The following NDRG3 variants were observed in gnomAD, a reference collection of about 807,000 sequenced individuals.
NDRG3 encodes the protein NDRG family member 3, also known as protein NDRG3.
Under a neutral mutation model 57.2 loss-of-function variants are expected in NDRG3, and 23 were observed. The ratio of observed to expected loss-of-function variants is 0.40; its 90% CI spans 0.29 to 0.57. The LOEUF (loss-of-function observed/expected upper bound fraction) is 0.57. Ranked by LOEUF, NDRG3 falls within the 20% of genes least tolerant of loss-of-function variation. The pLI, the probability that NDRG3 is intolerant of heterozygous loss-of-function variation, is 0.42. For missense variants in NDRG3, 384 were observed against 457.3 expected (o/e 0.84, Z 1.46); for synonymous variants, 132 against 162.6 (o/e 0.81, Z 1.43).
At chr20:36,741,275 C>T (rs984111593) in intron 1 of NDRG3, among the ~76,000 whole-genome samples, 1 of 152,124 alleles carries the variant, frequency 6.6e-6, no homozygotes, top group African/African-American at 2.4e-5. Context: ...AGGAAGCTTA[C>T]GTGATACCAA....
Position 36,746,079 on chromosome 20 carries a change from A to AGCAGCGGCGGCGGCGGCGGCG in NDRG3, c.-84_-83insCGCCGCCGCCGCCGCCGCTGC. On this transcript the variant is annotated 5_prime_UTR_variant, in exon 1 of 16. Transcript: ENST00000349004. ...GGGCACCCGCCGTCAGTGCAGCAGCAGCGGCGGCGGCGGCGGCGGCGGCGG... is the reference window on the plus strand; with the variant it reads ...GGGCACCCGCCGTCAGTGCAGCAGCAGCAGCGGCGGCGGCGGCGGCGGCGGCGGCGGCGGCGGCGGCGGCGG... The AGCAGCGGCGGCGGCGGCGGCG allele has an allele frequency of 4.1e-6, 1 of 244,590 alleles. No homozygotes were observed. Among genetic ancestry groups the AGCAGCGGCGGCGGCGGCGGCG allele is most frequent in the Non-Finnish European group, 7.4e-6 (1 of 135,502 alleles). 15.2% of individuals were successfully genotyped at this position (244,590 alleles called of 1,614,324 possible). A position where few individuals can be genotyped will look rare whatever the true frequency, so the allele number is the denominator to read the frequency against.
intron 1 of NDRG3, among the ~76,000 whole-genome samples, chr20:36,741,292 C>G (rs532327742): frequency 6.6e-6 from 1 of 152,124 alleles, no homozygotes; most frequent in Non-Finnish European, 1.5e-5. Context: ...CCAAGTAAAG[C>G]TGCTATCTGC....
chr20:36,696,540 C>A (rs946675236), intron 3 of NDRG3, among the ~76,000 whole-genome samples: 3 of 151,654 alleles, frequency 2.0e-5, no homozygotes, highest in Admixed American at 6.6e-5. Flanking sequence ...TGTCACCAGG[C>A]TGGAGTGCAG....
intron 8 of NDRG3, among the ~76,000 whole-genome samples, chr20:36,677,228 C>T (rs1029661524): frequency 2.6e-5 from 4 of 152,284 alleles, no homozygotes; most frequent in South Asian, 4.1e-4. Flanking sequence ...CACCCTTGGG[C>T]GCCCCAGGAA....
chr20:36,733,171 AAT>A (rs1555807708), intron 1 of NDRG3, among the ~76,000 whole-genome samples: 268 of 33,202 alleles, frequency 8.1e-3, no homozygotes, highest in East Asian at 0.045. Context: ...AAAAAAAAAA[AAT>A]ATATATATAT....
chr20:36,723,019 CAT>C (rs1216922178), intron 1 of NDRG3, among the ~76,000 whole-genome samples: 1 of 152,158 alleles, frequency 6.6e-6, no homozygotes, highest in Non-Finnish European at 1.5e-5. Context: ...ACCTGCTAGC[CAT>C]GTGTGTGAGT....
chr20:36,679,134 T>C (rs145146718), intron 8 of NDRG3, among the ~76,000 whole-genome samples: 380 of 152,274 alleles, frequency 2.5e-3, no homozygotes, highest in African/African-American at 8.8e-3. Context: ...AATTTTCGTA[T>C]TTTTAGTAGA....
At chr20:36,689,819 C>T (rs1317797256) in intron 3 of NDRG3, among the ~76,000 whole-genome samples, 1 of 150,338 alleles carries the variant, frequency 6.7e-6, no homozygotes, top group Non-Finnish European at 1.5e-5. Flanking sequence ...CTCCTGGGTT[C>T]ACGCCATTCT....
At chr20:36,658,954 G>GTTTT (rs58306169) in intron 13 of NDRG3, among the ~76,000 whole-genome samples, 1 of 132,374 alleles carries the variant, frequency 7.6e-6, no homozygotes, top group Non-Finnish European at 1.7e-5. Context: ...TGTTGACGAA[G>GTTTT]TTTTTTTTTT....
chr20:36,658,445 T>C (rs1978871043), intron 13 of NDRG3, among the ~76,000 whole-genome samples: 1 of 152,174 alleles, frequency 6.6e-6, no homozygotes, highest in African/African-American at 2.4e-5. Context: ...AGCCCATCAA[T>C]TGCCTGGAGG....
intron 8 of NDRG3, 96 bp from the exon 9 acceptor site, chr20:36,671,493 T>C: frequency 1.1e-6 from 1 of 914,116 alleles, no homozygotes; most frequent in Non-Finnish European, 1.7e-6. Flanking sequence ...ATATATGTTA[T>C]CTCTTTAAAA....
In NDRG3 at chr20:36,653,614, C is replaced by G; in HGVS notation, c.1034G>C (p.Arg345Pro). ...ATCTGACTGATTGCTGGTGACAGACCGGCTGAAGGGACTTTCTCCAGAGCC... is the reference window on the plus strand; with the variant it reads ...ATCTGACTGATTGCTGGTGACAGACGGGCTGAAGGGACTTTCTCCAGAGCC... ...SLGSGESPFS[R>P]SVTSNQSDGT... The change falls in exon 16 of 16, where the codon CGG (arginine) becomes CCG (proline). Residue 345 changes from arginine to proline, a missense_variant. Physicochemically the swap from Arg to Pro is moderately radical, Grantham distance 103 (BLOSUM62 -2). Coordinates refer to ENST00000349004, the MANE Select transcript of NDRG3 (RefSeq NM_032013.4). The surrounding 1 kb of genome is among the most constrained non-coding windows in gnomAD (Gnocchi z 4.2). 1 of 1,614,072 alleles carries G rather than the reference C, an allele frequency of 6.2e-7. No homozygotes were observed. The highest frequency in any genetic ancestry group is 8.5e-7 in the Non-Finnish European group (1 of 1,180,026).
intron 9 of NDRG3, among the ~76,000 whole-genome samples, chr20:36,667,302 C>G (rs80207858): frequency 6.6e-6 from 1 of 151,842 alleles, no homozygotes; most frequent in Non-Finnish European, 1.5e-5. Flanking sequence ...GGACTCACTA[C>G]GCTGCTCAGG....
intron 9 of NDRG3, among the ~76,000 whole-genome samples, chr20:36,670,981 A>G (rs1980100946): frequency 6.6e-6 from 1 of 152,338 alleles, no homozygotes; most frequent in South Asian, 2.1e-4. Flanking sequence ...TTCTTTTAGC[A>G]CTATTATTTC....
chr20:36,713,826 T>C (rs753134749), intron 2 of NDRG3, among the ~76,000 whole-genome samples: 12 of 152,188 alleles, frequency 7.9e-5, no homozygotes, highest in Admixed American at 2.0e-4. Context: ...TTACACGTAA[T>C]TGACATGCTA....
chr20:36,715,626 T>TG, intron 2 of NDRG3, among the ~76,000 whole-genome samples: 1 of 145,980 alleles, frequency 6.9e-6, no homozygotes, highest in South Asian at 2.2e-4. Flanking sequence ...GAGATCAGCG[T>TG]GGGCAACAAA....
intron 3 of NDRG3, among the ~76,000 whole-genome samples, chr20:36,699,861 T>C (rs1039936617): frequency 6.6e-6 from 1 of 151,798 alleles, no homozygotes; most frequent in Admixed American, 6.6e-5. Context: ...TGGCTCACAT[T>C]TGTAAAATCC....
intron 12 of NDRG3, among the ~76,000 whole-genome samples, chr20:36,660,590 T>A (rs1288388238): frequency 6.6e-6 from 1 of 151,066 alleles, no homozygotes. Flanking sequence ...AGACGGAGTC[T>A]CGCTCTGTCG....
At chr20:36,685,989 A>G (rs144032176) in intron 5 of NDRG3, among the ~76,000 whole-genome samples, 27 of 152,302 alleles carry the variant, frequency 1.8e-4, no homozygotes, top group Admixed American at 6.5e-4. Flanking sequence ...CAGCCTGGGA[A>G]ACAAAGCACT....
Sources: allele counts gnomAD v4.1 joint callset (sites outside exome capture counted in the v4.1 genomes callset), GRCh38; gene constraint gnomAD v4.1.1; non-coding constraint Gnocchi (gnomAD v3.1); transcripts MANE v1.5; gene names NCBI Gene and HGNC (gene_info 2026-07-23, HGNC 2026-07-21).